The following CCDC93 variants were observed in gnomAD, a reference collection of about 807,000 sequenced individuals.
CCDC93 encodes the protein CCC complex scaffolding subunit CCDC93, also known as coiled-coil domain-containing protein 93.
A neutral mutation model predicts 108.2 loss-of-function variants in CCDC93; 61 were observed. The ratio of observed to expected loss-of-function variants is 0.56; its 90% confidence interval spans 0.46 to 0.70. The LOEUF is 0.70. Ranked by LOEUF, CCDC93 falls within the 30% of genes least tolerant of loss-of-function variation. The pLI, the probability that CCDC93 is intolerant of heterozygous loss-of-function variation, is 0.00. For missense variants in CCDC93, 685 were observed against 764.2 expected (o/e 0.90, Z 1.22); for synonymous variants, 276 against 260.4 (o/e 1.06, Z -0.58).
intron 4 of CCDC93, chr2:117,997,428 T>C (rs1162362993): frequency 5.3e-5 from 8 of 152,220 alleles, no homozygotes; most frequent in Admixed American, 2.6e-4. Context: ...AAAAGCAGTT[T>C]TGGGATAGTA....
intron 1 of CCDC93, among the ~76,000 whole-genome samples, chr2:118,009,580 G>A (rs998843471): frequency 1.3e-5 from 2 of 152,074 alleles, no homozygotes; most frequent in South Asian, 2.1e-4. Flanking sequence ...GCTGAGGCAC[G>A]AGAATCACTT....
chr2:117,998,425 G>A (rs1680736331), intron 4 of CCDC93: 1 of 152,110 alleles, frequency 6.6e-6, no homozygotes, highest in Admixed American at 6.5e-5. Context: ...TTTTGAGTTT[G>A]AGAATTAAAT....
intron 6 of CCDC93, among the ~76,000 whole-genome samples, chr2:117,993,668 ATATCC>A (rs1680556530): frequency 6.6e-6 from 1 of 152,248 alleles, no homozygotes; most frequent in Non-Finnish European, 1.5e-5. Flanking sequence ...AGCAATTATC[ATATCC>A]AACTAACTGG....
intron 11 of CCDC93, among the ~76,000 whole-genome samples, chr2:117,964,433 T>C (rs192153412): frequency 6.4e-4 from 98 of 152,304 alleles, no homozygotes; most frequent in Admixed American, 2.5e-3. Context: ...GAAAACCCAA[T>C]TGTGTTGGGC....
At position 117,916,495 on chromosome 2, in the gene CCDC93, G is replaced by C. The variant is rs994441450; in HGVS notation, c.*3848C>G. The stretch of plus-strand genomic sequence containing the variant: ...AAACTAAGCATCAAGTAGAGGAAAG[G>C]TTCAATCTAAATTTTCCTAATAGAG... On this transcript the variant is annotated 3_prime_UTR_variant, in exon 24 of 24. Transcript: ENST00000376300. 1.3e-5 allele frequency: 2 copies of C among 152,178 alleles called. No individual in the cohort carries two copies. Among genetic ancestry groups the C allele is most frequent in the Admixed American group, 6.6e-5 (1 of 15,264 alleles). The allele number at this position is 152,178 out of a possible 1,614,324, so 9.4% of individuals were successfully genotyped here. A position where few individuals can be genotyped will look rare whatever the true frequency, so the allele number is the denominator to read the frequency against.
At chr2:117,945,355 C>T (rs1440970144) in intron 17 of CCDC93, among the ~76,000 whole-genome samples, 174 bp downstream of exon 17, 1 of 152,150 alleles carries the variant, frequency 6.6e-6, no homozygotes, top group Non-Finnish European at 1.5e-5. Context: ...CTGGTGAGAC[C>T]CTGCCTCCAT....
intron 12 of CCDC93, among the ~76,000 whole-genome samples, chr2:117,953,929 C>G (rs1348229140): frequency 6.6e-6 from 1 of 152,020 alleles, no homozygotes; most frequent in African/African-American, 2.4e-5. Context: ...GAGTGGGCTC[C>G]CTTGCCTCCT....
At chr2:117,984,345 T>A (rs1470728618) in intron 7 of CCDC93, among the ~76,000 whole-genome samples, 1 of 151,958 alleles carries the variant, frequency 6.6e-6, no homozygotes, top group Non-Finnish European at 1.5e-5. Context: ...ACTCTCAGAG[T>A]TTGAGAAGAG....
chr2:117,974,754 G>T, intron 10 of CCDC93, 96 bp downstream of exon 10: 1 of 861,372 alleles, frequency 1.2e-6, no homozygotes, highest in Non-Finnish European at 1.9e-6. Context: ...GCTGGTGAGA[G>T]GCAGCTCCGG....
chr2:117,985,483 T>G (rs1379496763), intron 7 of CCDC93: 2 of 944,466 alleles, frequency 2.1e-6, no homozygotes, highest in African/African-American at 1.8e-5. Context: ...AGCATGTCCT[T>G]GCACTTTTTT....
intron 22 of CCDC93, chr2:117,934,035 A>G (rs1057021102): frequency 1.3e-5 from 2 of 152,264 alleles, no homozygotes; most frequent in Admixed American, 1.3e-4. Flanking sequence ...CTGAGGGGCC[A>G]AGAGCACGAA....
In CCDC93 at chr2:117,983,630, TTATATATATATATATATATATA is replaced by T. The variant is rs66879401; in HGVS notation, c.620+2317_620+2338del. ...TCTACATTGAACAAACTGCTCAAAA[TTATATATATATATATATATATA>T]TATATATATATATATATATATATAT... On this transcript the variant is annotated intron_variant, in intron 7 of 23. Coordinates refer to ENST00000376300, the MANE Select transcript of CCDC93 (RefSeq NM_019044.5). Among the ~76,000 whole-genome samples, 85 of 98,610 alleles carry T rather than the reference TTATATATATATATATATATATA, an allele frequency of 8.6e-4. 2 individuals are homozygous for T. Among genetic ancestry groups the T allele is most frequent in the Non-Finnish European group, 1.2e-3 (53 of 45,640 alleles). 64.7% of individuals were successfully genotyped at this position (98,610 alleles called of 152,430 possible). A position where few individuals can be genotyped will look rare whatever the true frequency, so the allele number is the denominator to read the frequency against.
intron 18 of CCDC93, among the ~76,000 whole-genome samples, chr2:117,942,677 A>G (rs1292269762): frequency 2.0e-5 from 3 of 152,062 alleles, no homozygotes; most frequent in Admixed American, 6.5e-5. Context: ...TGCTCTGCCT[A>G]TCCTCACATG....
chr2:117,975,039 G>C (rs1443649773), intron 9 of CCDC93, 139 bp from the exon 10 acceptor site: 1 of 1,048,164 alleles, frequency 9.5e-7, no homozygotes, highest in Non-Finnish European at 1.5e-6. Context: ...AAAGGCAGGT[G>C]ATAAAATGAA....
intron 23 of CCDC93, among the ~76,000 whole-genome samples, chr2:117,923,564 G>A (rs575107892): frequency 1.3e-5 from 2 of 152,190 alleles, no homozygotes; most frequent in Non-Finnish European, 2.9e-5. Flanking sequence ...AGTGAGGCTG[G>A]GGGAGGGGCA....
intron 13 of CCDC93, chr2:117,950,782 GA>G: frequency 1.8e-5 from 18 of 985,176 alleles, no homozygotes; most frequent in Non-Finnish European, 2.2e-5. Context: ...CATTTTTCTA[GA>G]TGGGAATTAG....
At chr2:117,946,590 G>A (rs556736758) in intron 16 of CCDC93, among the ~76,000 whole-genome samples, 1 of 152,274 alleles carries the variant, frequency 6.6e-6, no homozygotes, top group African/African-American at 2.4e-5. Flanking sequence ...CTGGTAATTC[G>A]TGTCTGGGTT....
At chr2:117,972,381 G>A (rs994671860) in intron 11 of CCDC93, among the ~76,000 whole-genome samples, 5 of 152,198 alleles carry the variant, frequency 3.3e-5, no homozygotes, top group Admixed American at 6.5e-5. Context: ...GGAAGAAAAA[G>A]CTTATTAGGA....
At chr2:117,992,169 G>C (rs1680493103) in intron 6 of CCDC93, among the ~76,000 whole-genome samples, 2 of 152,192 alleles carry the variant, frequency 1.3e-5, no homozygotes, top group Admixed American at 1.3e-4. Flanking sequence ...TGAGGATTAA[G>C]TTCACTCATA....
Sources: allele counts gnomAD v4.1 joint callset (sites outside exome capture counted in the v4.1 genomes callset), GRCh38; gene constraint gnomAD v4.1.1; transcripts MANE v1.5; gene names NCBI Gene and HGNC (gene_info 2026-07-23, HGNC 2026-07-21).